WWOX: variants seen among roughly 807,000 people sequenced by gnomAD.
The protein encoded by WWOX is WW domain-containing oxidoreductase.
WWOX carries 69 observed loss-of-function variants against 46.2 expected under a neutral mutation model. The observed-to-expected ratio is 1.49, with a 90% CI of 1.23 to 1.82. WWOX has a LOEUF of 1.82. WWOX is among the 40% of genes most tolerant of loss of function. The pLI is 0.00. For missense variants in WWOX, 919 were observed against 542.6 expected, an observed-to-expected ratio of 1.69 and a Z score of -6.89; for synonymous variants, 359 against 202.6, an observed-to-expected ratio of 1.77 and a Z score of -6.56.
intron 8 of WWOX, among the ~76,000 whole-genome samples, chr16:79,071,169 T>C (rs1291904469): frequency 6.6e-6 from 1 of 152,250 alleles, no homozygotes; most frequent in East Asian, 1.9e-4. Flanking sequence ...GTATGATCAC[T>C]TTCTTCTGAT....
intron 8 of WWOX, among the ~76,000 whole-genome samples, chr16:78,717,715 C>G (rs975453140): frequency 1.3e-5 from 2 of 152,170 alleles, no homozygotes; most frequent in African/African-American, 4.8e-5. Context: ...CTTTGATACT[C>G]CAATGCCGGC....
At chr16:79,185,129 C>T (rs2050987499) in intron 8 of WWOX, among the ~76,000 whole-genome samples, 1 of 152,184 alleles carries the variant, frequency 6.6e-6, no homozygotes, top group African/African-American at 2.4e-5. Context: ...TTGAGAATGG[C>T]TGAGGGGGAG....
chr16:78,538,181 G>C (rs2043804592), intron 8 of WWOX, among the ~76,000 whole-genome samples: 1 of 113,658 alleles, frequency 8.8e-6, no homozygotes, highest in South Asian at 3.0e-4. Flanking sequence ...TTCTGAAGAA[G>C]ATAGATTGTA....
At chr16:78,711,348 C>T (rs1167333683) in intron 8 of WWOX, among the ~76,000 whole-genome samples, 1 of 152,162 alleles carries the variant, frequency 6.6e-6, no homozygotes, top group Non-Finnish European at 1.5e-5. Flanking sequence ...CTGAATAGTT[C>T]TTCAAAAAAT....
At chr16:79,040,595 ATTTC>A (rs2047952380) in intron 8 of WWOX, among the ~76,000 whole-genome samples, 1 of 152,054 alleles carries the variant, frequency 6.6e-6, no homozygotes, top group Non-Finnish European at 1.5e-5. Context: ...AATTTTTGTC[ATTTC>A]TTTCTCACTT....
intron 8 of WWOX, among the ~76,000 whole-genome samples, chr16:79,170,613 A>G (rs1452911761): frequency 1.0e-5 from 1 of 96,454 alleles, no homozygotes; most frequent in Non-Finnish European, 1.9e-5. Flanking sequence ...AAAATTTTTT[A>G]CTTAAACCAC....
rs2047523762 is a variant in WWOX, at chr16:78,673,822, T to TTCTA, written c.1056+241073_1056+241076dup. ...ATTCTATATTTAAATAGTGCAAGAT[T>TTCTA]TCTATCGTATCCTCCCGCAGAGGTT... On this transcript the variant is annotated intron_variant, in intron 8 of 8. Coordinates refer to ENST00000566780, the MANE Select transcript of WWOX (RefSeq NM_016373.4). 2.0e-5 allele frequency among the ~76,000 whole-genome samples: 3 copies of TTCTA among 152,200 alleles called. No individual in the cohort carries two copies. The South Asian group carries it at 6.2e-4, about 32-fold the overall frequency.
At chr16:78,477,353 T>G (rs1271146145) in intron 8 of WWOX, among the ~76,000 whole-genome samples, 1 of 152,190 alleles carries the variant, frequency 6.6e-6, no homozygotes, top group East Asian at 1.9e-4. Flanking sequence ...TAATTGAATT[T>G]CCAGAGCCTG....
At position 78,567,683 on chromosome 16, in the gene WWOX, C is replaced by G. The variant is rs531600141; in HGVS notation, c.1056+134931C>G. Among the ~76,000 whole-genome samples, 4 of 151,956 alleles carry G rather than the reference C, an allele frequency of 2.6e-5. No homozygotes were observed. In the South Asian group the frequency reaches 8.3e-4, roughly 32 times the overall value. ...CGTAACTAGGGCAAAGAAGAACCAA[C>G]TGGCTGTTCCCCACTGGCTGTGGAG... On this transcript the variant is annotated intron_variant, in intron 8 of 8. Coordinates refer to ENST00000566780, the MANE Select transcript of WWOX (RefSeq NM_016373.4).
At chr16:78,422,889 AT>A (rs1237529975) in intron 6 of WWOX, among the ~76,000 whole-genome samples, 7 of 121,926 alleles carry the variant, frequency 5.7e-5, no homozygotes, top group Non-Finnish European at 8.1e-5. Flanking sequence ...ACACACATAT[AT>A]TTTTTTTTTC....
At chr16:79,122,305 C>G (rs1328002207) in intron 8 of WWOX, among the ~76,000 whole-genome samples, 1 of 152,118 alleles carries the variant, frequency 6.6e-6, no homozygotes, top group African/African-American at 2.4e-5. Flanking sequence ...GAGGAAGCAA[C>G]GAGTCCCTTG....
chr16:78,803,307 G>A (rs953461453), intron 8 of WWOX, among the ~76,000 whole-genome samples: 3 of 151,846 alleles, frequency 2.0e-5, no homozygotes, highest in Non-Finnish European at 2.9e-5. Flanking sequence ...GCTTCGCAGA[G>A]TATTTATTTG....
At chr16:78,743,685 A>G (rs1393330942) in intron 8 of WWOX, among the ~76,000 whole-genome samples, 2 of 152,112 alleles carry the variant, frequency 1.3e-5, no homozygotes, top group African/African-American at 2.4e-5. Context: ...TTCCACGACC[A>G]TTCAGCCGTT....
At chr16:78,252,933 A>C (rs2038023698) in intron 5 of WWOX, among the ~76,000 whole-genome samples, 1 of 152,194 alleles carries the variant, frequency 6.6e-6, no homozygotes, top group Non-Finnish European at 1.5e-5. Context: ...CATTTGTTTA[A>C]ACAACATTCA....
intron 8 of WWOX, among the ~76,000 whole-genome samples, chr16:79,126,216 G>C (rs2049751032): frequency 6.6e-6 from 1 of 152,020 alleles, no homozygotes; most frequent in South Asian, 2.1e-4. Flanking sequence ...CAGAGCTTGG[G>C]CTTTGGGGTG....
intron 8 of WWOX, among the ~76,000 whole-genome samples, chr16:78,856,297 A>G (rs1175049045): frequency 1.3e-5 from 2 of 152,206 alleles, no homozygotes; most frequent in East Asian, 1.9e-4. Flanking sequence ...GGGCACCGAA[A>G]GCTTTAAAGC....
intron 5 of WWOX, among the ~76,000 whole-genome samples, chr16:78,218,256 T>C (rs999469403): frequency 6.6e-6 from 1 of 151,814 alleles, no homozygotes; most frequent in Non-Finnish European, 1.5e-5. Flanking sequence ...CATGTGTGTT[T>C]ATATATATAT....
intron 7 of WWOX, among the ~76,000 whole-genome samples, chr16:78,429,529 T>C (rs1159797119): frequency 6.6e-6 from 1 of 152,054 alleles, no homozygotes; most frequent in African/African-American, 2.4e-5. Context: ...TGGAAGCAGT[T>C]GACAAAAGAT....
chr16:78,842,862 T>C (rs1302025979), intron 8 of WWOX, among the ~76,000 whole-genome samples: 1 of 149,666 alleles, frequency 6.7e-6, no homozygotes, highest in Non-Finnish European at 1.5e-5. Flanking sequence ...CAAATAAAAA[T>C]AAAAATAGAA....
Sources: gnomAD v4.1 joint callset for allele counts (sites outside exome capture counted in the v4.1 genomes callset) on GRCh38, gnomAD v4.1.1 for gene constraint, MANE v1.5 for transcripts, NCBI Gene and HGNC (gene_info 2026-07-23, HGNC 2026-07-21) for gene names.